SLC9A9: variants seen among roughly 807,000 people sequenced by gnomAD.
SLC9A9 encodes solute carrier family 9 member A9, also known as sodium/hydrogen exchanger 9.
A neutral mutation model predicts 77.8 loss-of-function variants in SLC9A9; 62 were observed. The ratio of observed to expected loss-of-function variants is 0.80; its 90% CI spans 0.65 to 0.98. The LOEUF (loss-of-function observed/expected upper bound fraction) is 0.98, where lower values mean the gene tolerates loss of function less well. SLC9A9 is among the 50% of genes least tolerant of loss of function. The pLI is 0.00. For synonymous variants in SLC9A9, 320 were observed against 283.5 expected, an observed-to-expected ratio of 1.13 and a Z score of -1.29; for missense variants, 775 against 774.9, an observed-to-expected ratio of 1.00 and a Z score of 0.00.
At chr3:143,541,212 G>T (rs78057206) in intron 9 of SLC9A9, among the ~76,000 whole-genome samples, 1,697 of 152,290 alleles carry the variant, frequency 0.011, 20 homozygotes, top group Middle Eastern at 0.037. Context: ...CAGAACCATT[G>T]CTTCTGTCTT....
In SLC9A9 at chr3:143,623,682, C is replaced by A. The variant is rs560776928; in HGVS notation, c.755+28573G>T. On this transcript the variant is annotated intron_variant, in intron 6 of 15. Transcript: ENST00000316549. ...AAGCAGGAAAGATCTAAAATTGACA[C>A]CCTAACATCACAATTAAAAGAACTA... 3.3e-3 allele frequency among the ~76,000 whole-genome samples: 503 copies of A among 152,088 alleles called. 2 individuals carry two copies. Among genetic ancestry groups the A allele is most frequent in the South Asian group, 0.015 (71 of 4,812 alleles).
chr3:143,547,231 A>G (rs750833304), intron 9 of SLC9A9, among the ~76,000 whole-genome samples: 15 of 152,144 alleles, frequency 9.9e-5, no homozygotes, highest in Non-Finnish European at 1.6e-4. Context: ...ATCCAGTACC[A>G]TGTTCTCAGT....
intron 9 of SLC9A9, among the ~76,000 whole-genome samples, chr3:143,550,477 T>C (rs1033070657): frequency 6.6e-6 from 1 of 152,200 alleles, no homozygotes; most frequent in African/African-American, 2.4e-5. Flanking sequence ...ATAATTTTCC[T>C]TGACCAATGA....
chr3:143,349,288 A>ATCT (rs1275773578), intron 14 of SLC9A9, among the ~76,000 whole-genome samples: 1 of 152,126 alleles, frequency 6.6e-6, no homozygotes, highest in African/African-American at 2.4e-5. Flanking sequence ...GATGGTGATA[A>ATCT]TCTTTTTGCT....
At position 143,440,726 on chromosome 3, in the gene SLC9A9, A is replaced by C. The variant is rs181626218; in HGVS notation, c.1469+26311T>G. 5.3e-4 allele frequency among the ~76,000 whole-genome samples: 80 copies of C among 152,354 alleles called. 1 individual carries two copies. The East Asian group carries it at 9.8e-3, about 19-fold the overall frequency. ...CTCTTTGATGTGAAATTACAAAATG[A>C]TAAACAGCTTGGTGGTAGAAAGCCA... On this transcript the variant is annotated intron_variant, in intron 12 of 15. Transcript: ENST00000316549.
chr3:143,810,114 C>T (rs555366583), intron 2 of SLC9A9, among the ~76,000 whole-genome samples: 13 of 152,212 alleles, frequency 8.5e-5, no homozygotes, highest in East Asian at 5.8e-4. Context: ...AATATGTTCA[C>T]GAGGATGCAG....
At chr3:143,596,501 G>A (rs909625264) in intron 6 of SLC9A9, among the ~76,000 whole-genome samples, 1 of 151,784 alleles carries the variant, frequency 6.6e-6, no homozygotes, top group Non-Finnish European at 1.5e-5. Context: ...ATCATTTTTC[G>A]GTTTCCTCAT....
At chr3:143,823,924 T>C (rs1279612190) in intron 2 of SLC9A9, among the ~76,000 whole-genome samples, 1 of 152,196 alleles carries the variant, frequency 6.6e-6, no homozygotes, top group African/African-American at 2.4e-5. Flanking sequence ...TCTAGTTTGA[T>C]ATCTGCTTTA....
chr3:143,694,767 T>C (rs573773160), intron 4 of SLC9A9, among the ~76,000 whole-genome samples: 10 of 152,304 alleles, frequency 6.6e-5, no homozygotes, highest in Admixed American at 4.6e-4. Context: ...TTACATGATA[T>C]GTTATCTCAT....
intron 6 of SLC9A9, among the ~76,000 whole-genome samples, chr3:143,621,721 A>T (rs2038216450): frequency 6.6e-6 from 1 of 152,206 alleles, no homozygotes; most frequent in South Asian, 2.1e-4. Flanking sequence ...TCCTCCTCCA[A>T]AGGAACTCAG....
At chr3:143,282,454 G>A (rs1365013291) in intron 14 of SLC9A9, among the ~76,000 whole-genome samples, 1 of 152,124 alleles carries the variant, frequency 6.6e-6, no homozygotes, top group Non-Finnish European at 1.5e-5. Context: ...GAAGCCTGTT[G>A]CATAGATTGC....
chr3:143,442,895 G>C (rs9861304), intron 12 of SLC9A9, among the ~76,000 whole-genome samples: 10 of 152,196 alleles, frequency 6.6e-5, no homozygotes, highest in Non-Finnish European at 1.3e-4. Context: ...CATGGGGCCC[G>C]GTGGGGTGGG....
intron 6 of SLC9A9, among the ~76,000 whole-genome samples, chr3:143,622,466 T>A (rs1294996587): frequency 6.6e-6 from 1 of 152,162 alleles, no homozygotes; most frequent in Non-Finnish European, 1.5e-5. Flanking sequence ...ATATTCAACA[T>A]TGTTAAGGAA....
chr3:143,313,055 A>C (rs1195400482), intron 14 of SLC9A9: 1 of 152,348 alleles, frequency 6.6e-6, no homozygotes, highest in South Asian at 2.1e-4. Context: ...GTTAAAAAAA[A>C]CTCAACAAAA....
At chr3:143,810,765 G>A (rs2008843737) in intron 2 of SLC9A9, among the ~76,000 whole-genome samples, 1 of 152,128 alleles carries the variant, frequency 6.6e-6, no homozygotes, top group Non-Finnish European at 1.5e-5. Flanking sequence ...CATCTTCAAT[G>A]CTTTATTCAT....
rs560484381 is a variant in SLC9A9, at chr3:143,400,130, G to A, written c.1470-18016C>T. Among the ~76,000 whole-genome samples the A allele has an allele frequency of 8.5e-5, 13 of 152,190 alleles. No homozygotes were observed. The South Asian group carries it at 2.3e-3, about 27-fold the overall frequency. ...CAAAAATGCTAAAGTGTGAAAAAAC[G>A]TGCAGCTGGAATAAATGGATACCCA... On this transcript the variant is annotated intron_variant, in intron 12 of 15. Coordinates refer to ENST00000316549, the MANE Select transcript of SLC9A9 (RefSeq NM_173653.4).
chr3:143,611,765 A>T (rs1472857245), intron 6 of SLC9A9, among the ~76,000 whole-genome samples: 1 of 152,064 alleles, frequency 6.6e-6, no homozygotes, highest in African/African-American at 2.4e-5. Flanking sequence ...ACAGGGTCTC[A>T]CTCTGTCACT....
At chr3:143,743,308 T>TA (rs1436283828) in intron 4 of SLC9A9, among the ~76,000 whole-genome samples, 5 of 150,984 alleles carry the variant, frequency 3.3e-5, no homozygotes, top group African/African-American at 1.2e-4. Context: ...GATAGATAGA[T>TA]GATAGATAGA....
In SLC9A9 at chr3:143,622,023, A is replaced by C. The variant is rs1576616428; in HGVS notation, c.755+30232T>G. 2.0e-5 allele frequency among the ~76,000 whole-genome samples: 3 copies of C among 151,640 alleles called. No homozygotes were observed. The South Asian group carries it at 6.3e-4, about 32-fold the overall frequency. ...TGGAAGAAAGGGGATCAGTGATGGAAGATCAAATGAATGAAATGAAGTGAG... is the reference window on the plus strand; with the variant it reads ...TGGAAGAAAGGGGATCAGTGATGGACGATCAAATGAATGAAATGAAGTGAG... On this transcript the variant is annotated intron_variant, in intron 6 of 15. Coordinates refer to ENST00000316549, the MANE Select transcript of SLC9A9 (RefSeq NM_173653.4).
Sources: gnomAD v4.1 joint callset for allele counts (sites outside exome capture counted in the v4.1 genomes callset) on GRCh38, gnomAD v4.1.1 for gene constraint, MANE v1.5 for transcripts, NCBI Gene and HGNC (gene_info 2026-07-23, HGNC 2026-07-21) for gene names.